The following PHKB variants were observed in gnomAD, a reference collection of about 807,000 sequenced individuals.
PHKB encodes phosphorylase kinase regulatory subunit beta.
Under a neutral mutation model 152.1 loss-of-function variants are expected in PHKB, and 122 were observed. That is an observed-to-expected ratio of 0.80 (90% CI 0.69 to 0.93). PHKB has a LOEUF of 0.93. Among genes scored for constraint, PHKB ranks in the 40% least tolerant of loss-of-function variants. The pLI, the probability that PHKB is intolerant of heterozygous loss-of-function variation, is 0.00. For synonymous variants in PHKB, 436 were observed against 464.9 expected (o/e 0.94, Z 0.80); for missense variants, 1,304 against 1,328.4 (o/e 0.98, Z 0.29).
At chr16:47,689,970 G>T (rs1376798538) in intron 27 of PHKB, among the ~76,000 whole-genome samples, 18 of 152,118 alleles carry the variant, frequency 1.2e-4, no homozygotes, top group Admixed American at 1.2e-3. Context: ...ACTTCATATG[G>T]AAAAACAAAC....
chr16:47,525,952 A>G (rs1290398147), intron 6 of PHKB, among the ~76,000 whole-genome samples: 5 of 152,158 alleles, frequency 3.3e-5, no homozygotes, highest in Admixed American at 2.6e-4. Flanking sequence ...TGGCTCCTGT[A>G]TACGGGTTTT....
At chr16:47,589,205 C>T in intron 10 of PHKB, 103 bp downstream of exon 10, 1 of 787,690 alleles carries the variant, frequency 1.3e-6, no homozygotes, top group Admixed American at 2.3e-5. Context: ...TACTTACTAG[C>T]TATGTGGCCC....
intron 1 of PHKB, among the ~76,000 whole-genome samples, chr16:47,476,740 G>A (rs965102519): frequency 6.6e-6 from 1 of 152,120 alleles, no homozygotes; most frequent in Non-Finnish European, 1.5e-5. Flanking sequence ...CAAGGCCCTA[G>A]AATGATTGTT....
chr16:47,661,576 T>C, intron 22 of PHKB, 143 bp from the exon 23 acceptor site: 1 of 692,146 alleles, frequency 1.4e-6, no homozygotes, highest in Non-Finnish European at 2.7e-6. Context: ...ATGCTTGATA[T>C]TATATCAATG....
At chr16:47,600,771 A>T (rs1972208865) in intron 13 of PHKB, among the ~76,000 whole-genome samples, 1 of 152,240 alleles carries the variant, frequency 6.6e-6, no homozygotes, top group Admixed American at 6.5e-5. Context: ...ATACGTGAAG[A>T]TGTCTATACA....
At chr16:47,692,656 G>A (rs1023422262) in intron 27 of PHKB, among the ~76,000 whole-genome samples, 4 of 151,522 alleles carry the variant, frequency 2.6e-5, no homozygotes, top group African/African-American at 9.7e-5. Flanking sequence ...AAATGTATCT[G>A]TCCTTTCTTC....
intron 14 of PHKB, 54 bp downstream of exon 14, chr16:47,610,974 A>C: frequency 9.0e-7 from 1 of 1,105,794 alleles, no homozygotes; most frequent in South Asian, 1.3e-5. Context: ...ATTTAAGCTT[A>C]ATTGAAGAGG....
At chr16:47,545,815 C>A (rs529645174) in intron 6 of PHKB, among the ~76,000 whole-genome samples, 54 of 152,168 alleles carry the variant, frequency 3.5e-4, no homozygotes, top group African/African-American at 1.2e-3. Flanking sequence ...CTCTAAATAT[C>A]TCTTCTCACT....
chr16:47,508,837 A>G lies in PHKB; in HGVS notation c.406-2828A>G, dbSNP rs1262667113. ...TTGTAATTGACATACAGCATGCCCC[A>G]TTAATCTTCAAAGCTTATACTTTGG... is the stretch of plus-strand genomic sequence containing the variant. On this transcript the variant is annotated intron_variant, in intron 4 of 30. Coordinates refer to ENST00000323584, the MANE Select transcript of PHKB (RefSeq NM_000293.3). 2.0e-5 allele frequency among the ~76,000 whole-genome samples: 3 copies of G among 152,172 alleles called. No homozygotes were observed. In the East Asian group the frequency reaches 5.8e-4, roughly 29 times the overall value.
intron 20 of PHKB, among the ~76,000 whole-genome samples, chr16:47,654,761 T>C (rs1169795230): frequency 1.4e-5 from 2 of 144,352 alleles, no homozygotes; most frequent in Non-Finnish European, 3.0e-5. Flanking sequence ...ATGAGAACAC[T>C]TGGACACAGG....
chr16:47,571,452 G>T (rs900060743), intron 7 of PHKB, among the ~76,000 whole-genome samples: 1 of 152,138 alleles, frequency 6.6e-6, no homozygotes, highest in Non-Finnish European at 1.5e-5. Flanking sequence ...TACCAGGCCA[G>T]CAGGAAAGCA....
intron 26 of PHKB, among the ~76,000 whole-genome samples, chr16:47,672,917 GT>G: frequency 6.6e-6 from 1 of 152,042 alleles, no homozygotes; most frequent in Non-Finnish European, 1.5e-5. Context: ...ATGTGACTTA[GT>G]ATTTAACAGT....
intron 26 of PHKB, among the ~76,000 whole-genome samples, chr16:47,683,756 A>G (rs936340131): frequency 1.3e-5 from 2 of 152,118 alleles, no homozygotes; most frequent in African/African-American, 4.8e-5. Context: ...TGCACGGTGC[A>G]CTTCACCCAC....
intron 1 of PHKB, chr16:47,464,045 T>C: frequency 8.9e-7 from 1 of 1,121,508 alleles, no homozygotes; most frequent in Non-Finnish European, 1.4e-6. Flanking sequence ...AATACCTTTG[T>C]TTCTGAAGGT....
At chr16:47,679,678 A>G (rs554702171) in intron 26 of PHKB, among the ~76,000 whole-genome samples, 13 of 152,320 alleles carry the variant, frequency 8.5e-5, no homozygotes, top group Admixed American at 3.9e-4. Context: ...GGCTAAGACA[A>G]TGGGGTTTTC....
intron 1 of PHKB, among the ~76,000 whole-genome samples, chr16:47,485,619 C>T (rs1970035656): frequency 6.6e-6 from 1 of 152,074 alleles, no homozygotes; most frequent in African/African-American, 2.4e-5. Context: ...TTCTTTGGTT[C>T]GTTCGTATTT....
chr16:47,488,617 T>C (rs1428345644), intron 1 of PHKB, among the ~76,000 whole-genome samples: 1 of 152,234 alleles, frequency 6.6e-6, no homozygotes, highest in Non-Finnish European at 1.5e-5. Flanking sequence ...GAGCTGATTT[T>C]TATACATGGT....
chr16:47,545,606 GT>G (rs1409134917), intron 6 of PHKB, among the ~76,000 whole-genome samples: 5 of 152,136 alleles, frequency 3.3e-5, no homozygotes, highest in Admixed American at 6.6e-5. Context: ...TCTTTGTGGT[GT>G]TCTCTGTATT....
chr16:47,547,615 C>G (rs1308156271), intron 7 of PHKB, 67 bp downstream of exon 7: 6 of 902,496 alleles, frequency 6.6e-6, no homozygotes, highest in South Asian at 1.4e-5. Flanking sequence ...TGAAGAAATA[C>G]TGAAGCATTA....
Sources: allele counts gnomAD v4.1 joint callset (sites outside exome capture counted in the v4.1 genomes callset), GRCh38; gene constraint gnomAD v4.1.1; transcripts MANE v1.5; gene names NCBI Gene and HGNC (gene_info 2026-07-23, HGNC 2026-07-21).